CCDC30: variants seen among roughly 807,000 people sequenced by gnomAD.
CCDC30 encodes the protein coiled-coil domain containing 30, also known as coiled-coil domain-containing protein 30.
In CCDC30, 70 loss-of-function variants were observed where a neutral mutation model predicts 100.2. That is an observed-to-expected ratio of 0.70 (90% CI 0.58 to 0.85). CCDC30 has a LOEUF of 0.85. Ranked by LOEUF, CCDC30 falls within the 40% of genes least tolerant of loss-of-function variation. The pLI is 0.00. For synonymous variants in CCDC30, 233 were observed against 269.5 expected, an observed-to-expected ratio of 0.86 and a Z score of 1.33; for missense variants, 652 against 771.2, an observed-to-expected ratio of 0.85 and a Z score of 1.83.
intron 15 of CCDC30, among the ~76,000 whole-genome samples, chr1:42,649,904 C>T (rs1404043464): frequency 2.6e-5 from 4 of 151,864 alleles, no homozygotes; most frequent in African/African-American, 4.8e-5. Context: ...GTGAAAGATC[C>T]GTATACTTAA....
chr1:42,473,311 C>A, intron 1 of CCDC30: 1 of 1,213,412 alleles, frequency 8.2e-7, no homozygotes, highest in Non-Finnish European at 1.0e-6. Flanking sequence ...GAAGTGAGAA[C>A]TAATAGCATA....
Position 42,586,176 on chromosome 1 carries a change from T to A in CCDC30, c.1002-3145T>A, listed in dbSNP as rs1009155852. 2.0e-5 allele frequency among the ~76,000 whole-genome samples: 3 copies of A among 152,194 alleles called. No homozygotes were observed. In the East Asian group the frequency reaches 5.8e-4, roughly 29 times the overall value. On this transcript the variant is annotated intron_variant, in intron 9 of 16. Coordinates refer to ENST00000668663, the Ensembl canonical transcript of CCDC30. The stretch of plus-strand genomic sequence containing the variant: ...TCAAGAAGCTAAATAGACAATAGTA[T>A]GGAGGACCACTTTGAGGAAGTGAAA...
intron 6 of CCDC30, among the ~76,000 whole-genome samples, chr1:42,564,943 C>A (rs1482432862): frequency 6.6e-6 from 1 of 152,084 alleles, no homozygotes; most frequent in Non-Finnish European, 1.5e-5. Context: ...CAGTATTTGT[C>A]TTTCTGCGCC....
intron 6 of CCDC30, chr1:42,521,026 T>A (rs956080821): frequency 6.8e-6 from 1 of 148,008 alleles, no homozygotes; most frequent in South Asian, 2.1e-4. Flanking sequence ...CAGGCTGGAG[T>A]GCAGTGGTGC....
In CCDC30 at chr1:42,515,807, AT is replaced by A. The variant is rs1644547424; in HGVS notation, c.456+16894del. On this transcript the variant is annotated intron_variant, in intron 6 of 16. Transcript: ENST00000668663. ...TTTCATATAAGGGGAATCATGTACT[AT>A]TTATCTTTTTGTGATTGGCTTATTT... Among the ~76,000 whole-genome samples the A allele has an allele frequency of 1.3e-5, 2 of 152,154 alleles. 1 individual carries two copies. Among genetic ancestry groups the A allele is most frequent in the African/African-American group, 4.8e-5 (2 of 41,432 alleles).
At chr1:42,529,756 T>G (rs1644779045) in intron 6 of CCDC30, 1 of 152,212 alleles carries the variant, frequency 6.6e-6, no homozygotes, top group Non-Finnish European at 1.5e-5. Flanking sequence ...TTAACTTGTT[T>G]CCAGACCTTG....
chr1:42,518,913 G>A (rs1469241275), intron 6 of CCDC30, among the ~76,000 whole-genome samples: 5 of 152,192 alleles, frequency 3.3e-5, no homozygotes, highest in African/African-American at 1.2e-4. Flanking sequence ...AATGTTCACT[G>A]TGGATTTTTC....
chr1:42,621,738 C>T (rs1049686285), intron 11 of CCDC30, among the ~76,000 whole-genome samples: 4 of 151,910 alleles, frequency 2.6e-5, no homozygotes, highest in African/African-American at 9.7e-5. Flanking sequence ...GTCGCGATCT[C>T]CTGACCTTGT....
Position 42,646,319 on chromosome 1 carries a change from T to C in CCDC30, c.1854+2T>C, listed in dbSNP as rs1180004618. On this transcript the variant is annotated splice_donor_variant, in intron 15 of 16. Coordinates refer to ENST00000668663, the Ensembl canonical transcript of CCDC30. LOFTEE classifies it high-confidence loss of function. The stretch of plus-strand genomic sequence containing the variant: ...AAGTGGAAACACTCTGAGCAGATGG[T>C]AGGAGAATCCAACTTCCACATCCAC... 2.0e-6 allele frequency: 3 copies of C among 1,489,158 alleles called. No homozygotes were observed. In the East Asian group the frequency reaches 7.7e-5, roughly 38 times the overall value. The allele number at this position is 1,489,158 out of a possible 1,614,324, so 92.2% of individuals were successfully genotyped here.
chr1:42,496,349 C>T (rs1644232143), intron 4 of CCDC30, among the ~76,000 whole-genome samples: 2 of 152,070 alleles, frequency 1.3e-5, no homozygotes, highest in South Asian at 4.1e-4. Flanking sequence ...ATATTTAGCA[C>T]AGCAAAATGT....
chr1:42,577,189 T>C, exon 8 of CCDC30: 3 of 1,614,142 alleles, frequency 1.9e-6, no homozygotes, highest in Admixed American at 1.7e-5. Context: ...CAGGAAAAGC[T>C]GGTTCAGGAG....
chr1:42,508,262 T>G (rs1478097109), intron 6 of CCDC30, among the ~76,000 whole-genome samples: 8 of 152,182 alleles, frequency 5.3e-5, no homozygotes, highest in African/African-American at 1.9e-4. Context: ...AGGGAAATAC[T>G]ATGGGGAGAA....
intron 6 of CCDC30, among the ~76,000 whole-genome samples, chr1:42,563,835 C>T (rs1645548586): frequency 1.3e-5 from 2 of 151,872 alleles, no homozygotes; most frequent in East Asian, 3.9e-4. Context: ...TGAGATCGCA[C>T]CACTGCACTC....
chr1:42,635,151 G>A (rs1031567360), intron 11 of CCDC30, among the ~76,000 whole-genome samples: 1 of 152,096 alleles, frequency 6.6e-6, no homozygotes, highest in Non-Finnish European at 1.5e-5. Context: ...CGCCTCCTGG[G>A]TTCAAGTGAT....
At chr1:42,476,616 G>A (rs1035823226) in intron 1 of CCDC30, among the ~76,000 whole-genome samples, 10 of 151,760 alleles carry the variant, frequency 6.6e-5, no homozygotes, top group African/African-American at 2.4e-4. Flanking sequence ...CTTGAACCTG[G>A]GAGGCAGAGG....
In CCDC30 at chr1:42,497,239, G is replaced by A. The variant is rs1044888373; in HGVS notation, c.357+26G>A. 18 of 1,143,928 alleles carry A rather than the reference G, an allele frequency of 1.6e-5. 1 individual carries two copies. The highest frequency in any genetic ancestry group is 8.9e-5 in the South Asian group (2 of 22,532). 70.9% of individuals were successfully genotyped at this position (1,143,928 alleles called of 1,614,324 possible). On this transcript the variant is annotated intron_variant, in intron 5 of 16. Transcript: ENST00000668663. ...GTAAGTTTAATTTACTTCTTAGAACGTATTTAAATGTGTCTACCATAACAA... is the reference window on the plus strand; with the variant it reads ...GTAAGTTTAATTTACTTCTTAGAACATATTTAAATGTGTCTACCATAACAA...
At chr1:42,549,836 A>T (rs1301988242) in intron 6 of CCDC30, among the ~76,000 whole-genome samples, 1 of 152,176 alleles carries the variant, frequency 6.6e-6, no homozygotes, top group Admixed American at 6.5e-5. Context: ...TCCTTGTTTT[A>T]TTAGGAAGCT....
chr1:42,519,400 G>T (rs1048683343), intron 6 of CCDC30, among the ~76,000 whole-genome samples: 3 of 152,152 alleles, frequency 2.0e-5, no homozygotes, highest in African/African-American at 7.2e-5. Context: ...CACTAATGAA[G>T]CCATCAGATC....
chr1:42,508,432 C>T (rs1557814077), intron 6 of CCDC30, among the ~76,000 whole-genome samples: 1 of 152,156 alleles, frequency 6.6e-6, no homozygotes, highest in Non-Finnish European at 1.5e-5. Context: ...TTCTCTGATC[C>T]AGATGTGCAA....
Sources: allele counts gnomAD v4.1 joint callset (sites outside exome capture counted in the v4.1 genomes callset), GRCh38; gene constraint gnomAD v4.1.1; transcripts MANE v1.5; gene names NCBI Gene and HGNC (gene_info 2026-07-23, HGNC 2026-07-21).